TTC21B: variants seen among roughly 807,000 people sequenced by gnomAD.
The protein encoded by TTC21B is tetratricopeptide repeat protein 21B.
In TTC21B, 127 loss-of-function variants were observed where a neutral mutation model predicts 175.1. The ratio of observed to expected loss-of-function variants is 0.73; its 90% confidence interval spans 0.63 to 0.84. The LOEUF is 0.84. Ranked by LOEUF, TTC21B falls within the 40% of genes least tolerant of loss-of-function variation. The pLI is 0.00. For synonymous variants in TTC21B, 524 were observed against 524.5 expected (o/e 1.00, Z 0.01); for missense variants, 1,561 against 1,558.3 (o/e 1.00, Z -0.03).
At chr2:165,914,657 CTGTGTGTGTGTGTG>C (rs551411661) in intron 15 of TTC21B, among the ~76,000 whole-genome samples, 4 of 118,138 alleles carry the variant, frequency 3.4e-5, no homozygotes, top group Non-Finnish European at 1.6e-5. Context: ...GAAGAGCAAT[CTGTGTGTGTGTGTG>C]TGTGTGTGTG....
chr2:165,935,488 C>G (rs1687095532), intron 6 of TTC21B, among the ~76,000 whole-genome samples: 1 of 152,004 alleles, frequency 6.6e-6, no homozygotes, highest in Non-Finnish European at 1.5e-5. Context: ...GAATGCTACT[C>G]AGTTTTAAAA....
chr2:165,930,237 T>G lies in TTC21B; in HGVS notation c.1022A>C (p.Lys341Thr), dbSNP rs1686837269. 1.2e-6 allele frequency: 2 copies of G among 1,613,368 alleles called. No individual in the cohort carries two copies. Among genetic ancestry groups the G allele is most frequent in the African/African-American group, 2.7e-5 (2 of 74,988 alleles). Reference protein sequence around the residue: ...GYQMILQGRVKEALKWYKTAM... With the variant: ...GYQMILQGRVTEALKWYKTAM... ...GGTCTTATACCACTTCAGTGCCTCTTTAACTCTTCCTTGTAAAATCATTTG... is the reference window on the plus strand; with the variant it reads ...GGTCTTATACCACTTCAGTGCCTCTGTAACTCTTCCTTGTAAAATCATTTG... Residue 341 changes from lysine to threonine, a missense_variant, in exon 9 of 29, where the codon AAA (lysine) becomes ACA (threonine). Lys to Thr is a moderately conservative substitution (Grantham distance 78, BLOSUM62 -1). Transcript: ENST00000243344.
At chr2:165,951,469 G>A (rs1040134304) in intron 1 of TTC21B, among the ~76,000 whole-genome samples, 13 of 152,028 alleles carry the variant, frequency 8.6e-5, no homozygotes, top group Middle Eastern at 3.4e-3. Flanking sequence ...TGTGTCCTGC[G>A]CCAAGACCTC....
At position 165,901,170 on chromosome 2, in the gene TTC21B, G is replaced by A. The variant is rs756315795; in HGVS notation, c.2757+552C>T. Among the ~76,000 whole-genome samples the A allele has an allele frequency of 2.7e-4, 41 of 152,102 alleles. No homozygotes were observed. The Middle Eastern group carries it at 0.01, about 38-fold the overall frequency. On this transcript the variant is annotated intron_variant, in intron 20 of 28. Transcript: ENST00000243344. The stretch of plus-strand genomic sequence containing the variant: ...GCCTGCCTTGGCCTCTCAAAGTGCT[G>A]GGATTACAGGCATGAGCCATTGCAT...
intron 22 of TTC21B, among the ~76,000 whole-genome samples, chr2:165,892,406 C>T (rs1685225451): frequency 6.6e-6 from 1 of 152,150 alleles, no homozygotes; most frequent in Admixed American, 6.6e-5. Context: ...GGTATTCGTA[C>T]ACCAACATTC....
intron 22 of TTC21B, among the ~76,000 whole-genome samples, chr2:165,896,400 T>C (rs1685366054): frequency 6.6e-6 from 1 of 152,104 alleles, no homozygotes; most frequent in South Asian, 2.1e-4. Flanking sequence ...TTCTAAATTC[T>C]GGAAACACAG....
At chr2:165,945,789 T>G in intron 3 of TTC21B, 99 bp from the exon 4 acceptor site, 1 of 1,159,028 alleles carries the variant, frequency 8.6e-7, no homozygotes. Flanking sequence ...CTTCTCTCTA[T>G]AGTGGTACTG....
In TTC21B at chr2:165,907,661, C is replaced by G; in HGVS notation, c.2568+17G>C. Reference sequence around the variant, plus strand: ...ATCTCCTACCTCATGACCACACTCACAGACAAATGTGTTTACCTGTTGTAA... The same window carrying G: ...ATCTCCTACCTCATGACCACACTCAGAGACAAATGTGTTTACCTGTTGTAA... On this transcript the variant is annotated intron_variant, in intron 19 of 28. Transcript: ENST00000243344. 6.4e-7 allele frequency: 1 copy of G among 1,555,810 alleles called. No individual in the cohort carries two copies. Among genetic ancestry groups the G allele is most frequent in the Non-Finnish European group, 8.9e-7 (1 of 1,129,192 alleles).
rs1686974965 is a variant in TTC21B, at chr2:165,933,113, C to T, written c.711-56G>A. ...ATAAATTTATATATTTTCTTTTATT[C>T]GAGGGCATGAAAAGTTGGTTTGCTT... On this transcript the variant is annotated intron_variant, in intron 6 of 28. Transcript: ENST00000243344. The T allele has an allele frequency of 5.9e-6, 9 of 1,530,214 alleles. No individual in the cohort carries two copies. The Admixed American group carries it at 6.8e-5, about 12-fold the overall frequency. The allele number at this position is 1,530,214 out of a possible 1,614,324, so 94.8% of individuals were successfully genotyped here.
chr2:165,873,509 G>C lies in TTC21B; in HGVS notation c.*1246C>G, dbSNP rs1010149772. The C allele has an allele frequency of 1.3e-5, 2 of 152,308 alleles. No homozygotes were observed. The highest frequency in any genetic ancestry group is 1.9e-4 in the East Asian group (1 of 5,186). 9.4% of individuals were successfully genotyped at this position (152,308 alleles called of 1,614,324 possible). A position where few individuals can be genotyped will look rare whatever the true frequency, so the allele number is the denominator to read the frequency against. On this transcript the variant is annotated 3_prime_UTR_variant, in exon 29 of 29. Transcript: ENST00000243344. ...AGATTAGGTTAAATTTAGTGTAAGA[G>C]AGTGAAAGCTTCTATGCCAGGGTGC... is the stretch of plus-strand genomic sequence containing the variant.
chr2:165,886,688 A>C lies in TTC21B; in HGVS notation c.3459+1591T>G, dbSNP rs543963804. Among the ~76,000 whole-genome samples the C allele has an allele frequency of 3.3e-5, 5 of 152,326 alleles. No homozygotes were observed. The South Asian group carries it at 1.0e-3, about 32-fold the overall frequency. ...ATAGTCCTTCTAGGAAATAGCTGTAATATCATTCACTGCTTTTGGCTTTTT... is the reference window on the plus strand; with the variant it reads ...ATAGTCCTTCTAGGAAATAGCTGTACTATCATTCACTGCTTTTGGCTTTTT... On this transcript the variant is annotated intron_variant, in intron 25 of 28. Transcript: ENST00000243344.
At chr2:165,874,918 ACAGTT>A (rs1485402771) in intron 28 of TTC21B, 86 bp from the exon 29 acceptor site, 2 of 1,204,476 alleles carry the variant, frequency 1.7e-6, no homozygotes, top group East Asian at 2.4e-5. Flanking sequence ...AATGAGCATT[ACAGTT>A]AAGATTTCCT....
At position 165,947,992 on chromosome 2, in the gene TTC21B, T is replaced by A. The variant is rs189734716; in HGVS notation, c.262+1402A>T. The stretch of plus-strand genomic sequence containing the variant: ...AATTATTTTGTACTAATTTCTTCAA[T>A]CTATACTAACTACAGCTCTCCCATG... On this transcript the variant is annotated intron_variant, in intron 3 of 28. Transcript: ENST00000243344. 201 of 152,314 alleles carry A rather than the reference T, an allele frequency of 1.3e-3. 1 individual carries two copies. Among genetic ancestry groups the A allele is most frequent in the African/African-American group, 4.6e-3 (191 of 41,566 alleles). The allele number at this position is 152,314 out of a possible 1,614,324, so 9.4% of individuals were successfully genotyped here.
chr2:165,894,189 T>G (rs1282366786), intron 22 of TTC21B, among the ~76,000 whole-genome samples: 1 of 151,986 alleles, frequency 6.6e-6, no homozygotes, highest in Non-Finnish European at 1.5e-5. Context: ...CAAACAGAGC[T>G]GAGGAGACAT....
chr2:165,913,555 G>C lies in TTC21B; in HGVS notation c.2211+19C>G. On this transcript the variant is annotated intron_variant, in intron 16 of 28. Coordinates refer to ENST00000243344, the MANE Select transcript of TTC21B (RefSeq NM_024753.5). ...AATAATTTTTTAAAAATGCAGTTCA[G>C]TAACATCAGAAATTTTACCTCTAGA... 2 of 1,566,594 alleles carry C rather than the reference G, an allele frequency of 1.3e-6. No homozygotes were observed. The highest frequency in any genetic ancestry group is 2.2e-5 in the South Asian group (2 of 89,884).
At chr2:165,933,104 T>C in intron 6 of TTC21B, 47 bp from the exon 7 acceptor site, 1 of 1,563,044 alleles carries the variant, frequency 6.4e-7, no homozygotes. Flanking sequence ...TTATATATTT[T>C]CTTTTATTCG....
intron 19 of TTC21B, among the ~76,000 whole-genome samples, chr2:165,904,480 C>A (rs1685664636): frequency 6.6e-6 from 1 of 152,204 alleles, no homozygotes; most frequent in African/African-American, 2.4e-5. Flanking sequence ...CATACACACA[C>A]CCCTGTCAGT....
At chr2:165,918,237 T>C (rs1342496031) in intron 13 of TTC21B, among the ~76,000 whole-genome samples, 1 of 152,212 alleles carries the variant, frequency 6.6e-6, no homozygotes, top group Admixed American at 6.5e-5. Context: ...GCACCAGCAC[T>C]GAGGCTCTGA....
At chr2:165,934,400 G>A (rs1168026022) in intron 6 of TTC21B, among the ~76,000 whole-genome samples, 1 of 150,766 alleles carries the variant, frequency 6.6e-6, no homozygotes, top group Non-Finnish European at 1.5e-5. Context: ...TACTCAGGAG[G>A]CTGAGGCATG....
Sources: gnomAD v4.1 joint callset for allele counts (sites outside exome capture counted in the v4.1 genomes callset) on GRCh38, gnomAD v4.1.1 for gene constraint, MANE v1.5 for transcripts, NCBI Gene and HGNC (gene_info 2026-07-23, HGNC 2026-07-21) for gene names.